Variants in HLCS observed in about 807,000 individuals in gnomAD.
HLCS encodes the protein holocarboxylase synthetase.
Under a neutral mutation model 75.0 loss-of-function variants are expected in HLCS, and 53 were observed. The ratio of observed to expected loss-of-function variants is 0.71; its 90% CI spans 0.57 to 0.89. HLCS has a LOEUF of 0.89. Ranked by LOEUF, HLCS falls within the 40% of genes least tolerant of loss-of-function variation. The pLI is 0.00. For synonymous variants in HLCS, 431 were observed against 428.6 expected (o/e 1.01, Z -0.07); for missense variants, 966 against 1,074.0 (o/e 0.90, Z 1.41).
chr21:36,784,886 C>T (rs1350176887), intron 6 of HLCS, among the ~76,000 whole-genome samples: 1 of 152,026 alleles, frequency 6.6e-6, no homozygotes, highest in African/African-American at 2.4e-5. Context: ...CTTCATTTTC[C>T]CTTATGAAAT....
At chr21:36,901,736 C>T (rs1045213788) in intron 5 of HLCS, among the ~76,000 whole-genome samples, 67 of 152,130 alleles carry the variant, frequency 4.4e-4, no homozygotes, top group Non-Finnish European at 1.3e-4. Context: ...GGACAGCAGT[C>T]GTACTGGATT....
intron 6 of HLCS, among the ~76,000 whole-genome samples, chr21:36,887,496 A>T (rs1459366280): frequency 1.3e-5 from 2 of 152,222 alleles, no homozygotes; most frequent in African/African-American, 2.4e-5. Flanking sequence ...GAAAAATACC[A>T]GGCCACAGAA....
chr21:36,773,472 C>G (rs1389991364), intron 6 of HLCS, among the ~76,000 whole-genome samples: 5 of 152,266 alleles, frequency 3.3e-5, no homozygotes, highest in Non-Finnish European at 7.3e-5. Flanking sequence ...CCCAAACCCT[C>G]CTAAGTCTGA....
intron 2 of HLCS, among the ~76,000 whole-genome samples, chr21:36,957,158 G>A (rs893353441): frequency 6.6e-6 from 1 of 152,108 alleles, no homozygotes; most frequent in Non-Finnish European, 1.5e-5. Context: ...GTTGAGGTGG[G>A]GCCTGTGGGG....
intron 6 of HLCS, among the ~76,000 whole-genome samples, chr21:36,808,943 G>T (rs1477719936): frequency 6.6e-6 from 1 of 152,026 alleles, no homozygotes; most frequent in African/African-American, 2.4e-5. Flanking sequence ...GGCAGGCGTG[G>T]TGGCTCACAC....
intron 6 of HLCS, among the ~76,000 whole-genome samples, chr21:36,781,274 A>G (rs1373659838): frequency 6.6e-6 from 1 of 151,960 alleles, no homozygotes; most frequent in East Asian, 1.9e-4. Flanking sequence ...AAAAAAAAAA[A>G]AAAGCCTTGA....
At chr21:36,961,233 T>C (rs1175732811) in intron 2 of HLCS, among the ~76,000 whole-genome samples, 2 of 152,324 alleles carry the variant, frequency 1.3e-5, no homozygotes, top group African/African-American at 2.4e-5. Context: ...GGTGGTGATA[T>C]ACCCCAGCCA....
chr21:36,909,857 T>C (rs2065625646), intron 5 of HLCS, among the ~76,000 whole-genome samples: 2 of 152,230 alleles, frequency 1.3e-5, no homozygotes. Flanking sequence ...CATGTATGTT[T>C]TGGAGCTTCT....
chr21:36,804,818 A>C (rs8130179), intron 6 of HLCS, among the ~76,000 whole-genome samples: 34 of 152,280 alleles, frequency 2.2e-4, no homozygotes, highest in African/African-American at 7.2e-4. Flanking sequence ...TTGGTATTCT[A>C]TATGTGACTG....
At chr21:36,954,565 G>T (rs1439859301) in intron 2 of HLCS, among the ~76,000 whole-genome samples, 1 of 148,776 alleles carries the variant, frequency 6.7e-6, no homozygotes, top group African/African-American at 2.5e-5. Context: ...GCAGCGAGCC[G>T]AGATGCGCCA....
intron 2 of HLCS, among the ~76,000 whole-genome samples, chr21:36,950,122 T>G (rs189568672): frequency 6.6e-6 from 1 of 152,190 alleles, no homozygotes; most frequent in East Asian, 1.9e-4. Flanking sequence ...CTCCAATCCC[T>G]TCTGCAATCT....
At chr21:36,775,136 C>T (rs1445441461) in intron 6 of HLCS, among the ~76,000 whole-genome samples, 2 of 152,214 alleles carry the variant, frequency 1.3e-5, no homozygotes, top group African/African-American at 4.8e-5. Context: ...GGGTCAGGCC[C>T]TCTGTTAGAG....
chr21:36,962,277 G>A (rs2068338889), intron 1 of HLCS, 107 bp from the exon 2 acceptor site: 2 of 724,776 alleles, frequency 2.8e-6, no homozygotes, highest in South Asian at 3.5e-5. Flanking sequence ...CAAGTGACAT[G>A]GAAATAAGCT....
intron 5 of HLCS, among the ~76,000 whole-genome samples, chr21:36,908,990 C>G (rs966927413): frequency 6.6e-6 from 1 of 152,020 alleles, no homozygotes; most frequent in Non-Finnish European, 1.5e-5. Flanking sequence ...GTCAGGAGAT[C>G]GAGACCATCC....
At chr21:36,869,097 AATTT>A (rs71198837) in intron 6 of HLCS, among the ~76,000 whole-genome samples, 3,068 of 109,066 alleles carry the variant, frequency 0.028, 39 homozygotes, top group African/African-American at 0.042. Context: ...AAAGATGTTT[AATTT>A]ATTTATTTAT....
chr21:36,913,384 T>A (rs1601721007), intron 5 of HLCS, among the ~76,000 whole-genome samples: 1 of 150,366 alleles, frequency 6.7e-6, no homozygotes, highest in East Asian at 1.9e-4. Flanking sequence ...AAACATAAAA[T>A]GGATGTGTAT....
intron 7 of HLCS, 73 bp downstream of exon 7, chr21:36,767,144 TG>T: frequency 7.0e-7 from 1 of 1,429,910 alleles, no homozygotes; most frequent in Non-Finnish European, 9.9e-7. Flanking sequence ...ACACATTCAA[TG>T]GGCTCCTGGG....
At chr21:36,804,007 T>C (rs1285663622) in intron 6 of HLCS, 3 of 152,274 alleles carry the variant, frequency 2.0e-5, no homozygotes, top group African/African-American at 7.2e-5. Context: ...TAATGCTTCA[T>C]TACACCAAGA....
chr21:36,751,992 T>G lies in HLCS; in HGVS notation c.*2254A>C, dbSNP rs970100032. The stretch of plus-strand genomic sequence containing the variant: ...GATCCCAGGTTGCGGGGTGCATAAA[T>G]GGCCCAAATCGGAGAGTGTGCTATA... On this transcript the variant is annotated 3_prime_UTR_variant, in exon 11 of 11. Coordinates refer to ENST00000674895, the MANE Select transcript of HLCS (RefSeq NM_001352514.2). 2.0e-5 allele frequency: 3 copies of G among 152,612 alleles called. No homozygotes were observed. Among genetic ancestry groups the G allele is most frequent in the Admixed American group, 6.5e-5 (1 of 15,280 alleles). 9.5% of individuals were successfully genotyped at this position (152,612 alleles called of 1,614,324 possible). A position where few individuals can be genotyped will look rare whatever the true frequency, so the allele number is the denominator to read the frequency against.
Sources: allele counts gnomAD v4.1 joint callset (sites outside exome capture counted in the v4.1 genomes callset), GRCh38; gene constraint gnomAD v4.1.1; transcripts MANE v1.5; gene names NCBI Gene and HGNC (gene_info 2026-07-23, HGNC 2026-07-21).